TEX36: variants seen among roughly 807,000 people sequenced by gnomAD.
TEX36 encodes testis-expressed protein 36.
In TEX36, 12 loss-of-function variants were observed where a neutral mutation model predicts 13.6. The observed-to-expected ratio is 0.88, with a 90% CI of 0.56 to 1.43. The LOEUF is 1.43. Among genes scored for constraint, TEX36 ranks in the 40% most tolerant of loss-of-function variants. The probability of loss-of-function intolerance (pLI) is 0.00; values close to 1 mark genes in which losing one functional copy is unlikely to be tolerated. For synonymous variants in TEX36, 93 were observed against 83.0 expected, an observed-to-expected ratio of 1.12 and a Z score of -0.65; for missense variants, 224 against 228.3, an observed-to-expected ratio of 0.98 and a Z score of 0.12.
rs560808511 is a variant in TEX36 at position 125,581,298 on chromosome 10, T to G, written c.265-4424A>C. ...CATTCTAGTACCGAGAAGATGCTGATGCTGATGCGATGGCTTCTCAGAGGG... is the reference window on the plus strand; with the variant it reads ...CATTCTAGTACCGAGAAGATGCTGAGGCTGATGCGATGGCTTCTCAGAGGG... On this transcript the variant is annotated intron_variant, in intron 3 of 3. Coordinates refer to the TEX36 transcript ENST00000532135. Among the ~76,000 whole-genome samples the G allele has an allele frequency of 2.0e-5, 3 of 152,222 alleles. No homozygotes were observed. The South Asian group carries it at 6.3e-4, about 32-fold the overall frequency.
At chr10:125,675,697 C>G (rs1468583271) in intron 1 of TEX36, among the ~76,000 whole-genome samples, 2 of 152,208 alleles carry the variant, frequency 1.3e-5, no homozygotes, top group Non-Finnish European at 2.9e-5. Context: ...TTTCCTCACT[C>G]TCTGTGGGTC....
At chr10:125,642,688 A>C (rs1846709002) in intron 3 of TEX36, among the ~76,000 whole-genome samples, 1 of 152,082 alleles carries the variant, frequency 6.6e-6, no homozygotes, top group South Asian at 2.1e-4. Flanking sequence ...TTCTATTTCA[A>C]ACCTTCTGTT....
chr10:125,607,997 T>G (rs1372893924), intron 3 of TEX36, among the ~76,000 whole-genome samples: 2 of 152,186 alleles, frequency 1.3e-5, no homozygotes, highest in African/African-American at 2.4e-5. Context: ...GAGTACCTAC[T>G]ATGAACCCAA....
At chr10:125,625,324 C>A (rs925499237) in intron 3 of TEX36, among the ~76,000 whole-genome samples, 2 of 152,196 alleles carry the variant, frequency 1.3e-5, no homozygotes, top group Admixed American at 6.5e-5. Flanking sequence ...TAGCACCCCC[C>A]ACCAAATCCA....
intron 1 of TEX36, chr10:125,666,912 G>A (rs904280291): frequency 3.9e-6 from 2 of 511,048 alleles, no homozygotes. Flanking sequence ...GGACTCTCTA[G>A]CAGCAGCCCC....
chr10:125,665,546 A>T (rs1485999482), intron 1 of TEX36, among the ~76,000 whole-genome samples: 1 of 151,970 alleles, frequency 6.6e-6, no homozygotes, highest in Non-Finnish European at 1.5e-5. Context: ...GTCAAAGATC[A>T]GTTTTCTGGG....
At chr10:125,605,683 C>A (rs1383800811) in intron 3 of TEX36, among the ~76,000 whole-genome samples, 6 of 152,214 alleles carry the variant, frequency 3.9e-5, no homozygotes, top group Non-Finnish European at 7.3e-5. Context: ...CTCACTGCAA[C>A]CTCCACCTTC....
chr10:125,621,566 G>T (rs1459490577), downstream of TEX36: 3 of 455,724 alleles, frequency 6.6e-6, no homozygotes, highest in Non-Finnish European at 1.3e-5. Flanking sequence ...TAGGATATAT[G>T]TATGTATAAA....
intron 1 of TEX36, chr10:125,667,163 G>A (rs1166018890): frequency 7.5e-6 from 5 of 671,020 alleles, no homozygotes; most frequent in Non-Finnish European, 1.4e-5. Context: ...GGGACAGCGG[G>A]GGGCACTGTG....
In TEX36 at chr10:125,668,874, C is replaced by A. The variant is rs1223381765; in HGVS notation, c.52-6897G>T. Among the ~76,000 whole-genome samples the A allele has an allele frequency of 5.3e-5, 8 of 152,274 alleles. No homozygotes were observed. The South Asian group carries it at 1.7e-3, about 32-fold the overall frequency. The stretch of plus-strand genomic sequence containing the variant: ...ATTTATTGCTATAAATTTTCCTCTG[C>A]TTGGCCGGGCACGGTGGCTCACGCC... On this transcript the variant is annotated intron_variant, in intron 1 of 3. Transcript: ENST00000368821.
At chr10:125,620,371 C>T (rs1170979054), downstream of TEX36, among the ~76,000 whole-genome samples, 1 of 152,168 alleles carries the variant, frequency 6.6e-6, no homozygotes, top group Non-Finnish European at 1.5e-5. Flanking sequence ...CTGAACATTT[C>T]CTCATTTGGC....
At chr10:125,649,640 A>G (rs1039413911) in intron 3 of TEX36, among the ~76,000 whole-genome samples, 1 of 152,228 alleles carries the variant, frequency 6.6e-6, no homozygotes, top group African/African-American at 2.4e-5. Flanking sequence ...AGATTCACAC[A>G]TAACAATATT....
chr10:125,578,440 A>G (rs1437559161), intron 3 of TEX36: 1 of 152,252 alleles, frequency 6.6e-6, no homozygotes, highest in Non-Finnish European at 1.5e-5. Context: ...TCGTCAGTTA[A>G]CAGAACTGAA....
intron 3 of TEX36, among the ~76,000 whole-genome samples, chr10:125,584,413 C>T (rs867683068): frequency 1.3e-5 from 2 of 152,310 alleles, no homozygotes; most frequent in Non-Finnish European, 2.9e-5. Context: ...CCTCGTAATC[C>T]TACCCCTAAT....
chr10:125,600,034 C>T (rs992405411), intron 3 of TEX36, among the ~76,000 whole-genome samples: 5 of 152,182 alleles, frequency 3.3e-5, no homozygotes, highest in Non-Finnish European at 5.9e-5. Flanking sequence ...TCAGCCCTAA[C>T]GTCTCTAGCC....
chr10:125,600,072 A>G lies in TEX36; in HGVS notation c.265-23198T>C, dbSNP rs975546368. Among the ~76,000 whole-genome samples, 5 of 152,330 alleles carry G rather than the reference A, an allele frequency of 3.3e-5. No individual in the cohort carries two copies. In the East Asian group the frequency reaches 9.7e-4, roughly 29 times the overall value. On this transcript the variant is annotated intron_variant, in intron 3 of 3. Coordinates refer to the TEX36 transcript ENST00000532135. ...GTTCAGGAAACTGGGCCTGGATCCA[A>G]TTTATTTAGGCAGCAAACACAAATG...
At chr10:125,589,057 G>C (rs543760765) in intron 3 of TEX36, among the ~76,000 whole-genome samples, 2 of 152,360 alleles carry the variant, frequency 1.3e-5, no homozygotes, top group Admixed American at 6.5e-5. Flanking sequence ...CTTTCAACAT[G>C]AGATATGGAG....
At chr10:125,669,598 T>C (rs1847188831) in intron 1 of TEX36, among the ~76,000 whole-genome samples, 1 of 152,262 alleles carries the variant, frequency 6.6e-6, no homozygotes, top group Non-Finnish European at 1.5e-5. Context: ...AAAATTTATT[T>C]AACTTTATTT....
chr10:125,602,461 C>T (rs139532898), intron 3 of TEX36, among the ~76,000 whole-genome samples: 34 of 152,318 alleles, frequency 2.2e-4, no homozygotes, highest in African/African-American at 7.9e-4. Flanking sequence ...TCCGCCCCGT[C>T]TCGTGCTGTT....
Sources: gnomAD v4.1 joint callset for allele counts (sites outside exome capture counted in the v4.1 genomes callset) on GRCh38, gnomAD v4.1.1 for gene constraint, MANE v1.5 for transcripts, NCBI Gene and HGNC (gene_info 2026-07-23, HGNC 2026-07-21) for gene names.